SMARCAD1: variants seen among roughly 807,000 people sequenced by gnomAD.
SMARCAD1 encodes SWI/SNF-related matrix-associated actin-dependent regulator of chromatin subfamily A containing DEAD/H box 1.
Under a neutral mutation model 127.1 loss-of-function variants are expected in SMARCAD1, and 25 were observed. The observed-to-expected ratio is 0.20, with a 90% confidence interval of 0.14 to 0.27. The LOEUF (loss-of-function observed/expected upper bound fraction) is 0.27, where lower values mean the gene tolerates loss of function less well. Ranked by LOEUF, SMARCAD1 falls within the 10% of genes least tolerant of loss-of-function variation. SMARCAD1 has a pLI of 1.00. For missense variants in SMARCAD1, 807 were observed against 1,206.0 expected (o/e 0.67, Z 4.90); for synonymous variants, 400 against 396.9 (o/e 1.01, Z -0.09).
intron 7 of SMARCAD1, 85 bp downstream of exon 7, chr4:94,249,840 G>C (rs936331969): frequency 1.3e-6 from 1 of 798,504 alleles, no homozygotes; most frequent in Non-Finnish European, 2.2e-6. Flanking sequence ...CCACATAAAA[G>C]CTTAGGGTGA....
chr4:94,214,616 G>T (rs544281792), intron 2 of SMARCAD1, among the ~76,000 whole-genome samples: 1 of 152,194 alleles, frequency 6.6e-6, no homozygotes, highest in South Asian at 2.1e-4. Flanking sequence ...AAGGACTGAG[G>T]GAGGGAGGTA....
intron 3 of SMARCAD1, among the ~76,000 whole-genome samples, chr4:94,232,011 G>T (rs572671918): frequency 6.6e-6 from 1 of 151,816 alleles, no homozygotes; most frequent in South Asian, 2.1e-4. Flanking sequence ...ACAGGCACCC[G>T]CCACCATGCC....
In SMARCAD1 at chr4:94,208,542, A is replaced by T; in HGVS notation, c.148A>T (p.Ser50Cys). ...AEEENAEGEVSRANTPDSDIT... is the reference protein window; with the variant it reads ...AEEENAEGEVCRANTPDSDIT... ...AGAGGAGAATGCTGAAGGGGAAGTTAGCAGGGCAAACACTCCTGATTCAGA... is the reference window on the plus strand; with the variant it reads ...AGAGGAGAATGCTGAAGGGGAAGTTTGCAGGGCAAACACTCCTGATTCAGA... Residue 50 changes from serine to cysteine, a missense_variant, in exon 2 of 24, where the codon AGC (serine) becomes TGC (cysteine). Coordinates refer to ENST00000354268, the MANE Select transcript of SMARCAD1 (RefSeq NM_020159.5). 6.2e-7 allele frequency: 1 copy of T among 1,614,218 alleles called. No homozygotes were observed. The highest frequency in any genetic ancestry group is 1.1e-5 in the South Asian group (1 of 91,090).
chr4:94,277,836 A>T lies in SMARCAD1; in HGVS notation c.2083-586A>T, dbSNP rs77919033. On this transcript the variant is annotated intron_variant, in intron 16 of 23. Transcript: ENST00000354268. ...TACTAATTTGAATTCCCTCCCACTT[A>T]ATGTACAGTGTTTTAAATGGCCTAG... is the stretch of plus-strand genomic sequence containing the variant. 5.4e-3 allele frequency among the ~76,000 whole-genome samples: 819 copies of T among 152,242 alleles called. 4 individuals are homozygous for T. The Middle Eastern group carries it at 0.054, about 10-fold the overall frequency.
intron 5 of SMARCAD1, among the ~76,000 whole-genome samples, chr4:94,237,837 A>C (rs574079660): frequency 1.3e-5 from 2 of 152,266 alleles, no homozygotes; most frequent in South Asian, 4.1e-4. Flanking sequence ...ATGTCCTTAT[A>C]CATAAATAGA....
At chr4:94,245,018 A>G (rs951998780) in intron 6 of SMARCAD1, among the ~76,000 whole-genome samples, 1 of 152,218 alleles carries the variant, frequency 6.6e-6, no homozygotes, top group Non-Finnish European at 1.5e-5. Context: ...TTGCAATGTC[A>G]TTGTTGAAGC....
intron 9 of SMARCAD1, among the ~76,000 whole-genome samples, chr4:94,259,649 G>A (rs1033689490): frequency 2.0e-5 from 3 of 152,202 alleles, no homozygotes; most frequent in South Asian, 2.1e-4. Context: ...GAATGACCTT[G>A]TACTCCCCTT....
intron 2 of SMARCAD1, among the ~76,000 whole-genome samples, chr4:94,222,210 A>G (rs1367892680): frequency 6.6e-6 from 1 of 152,340 alleles, no homozygotes; most frequent in Non-Finnish European, 1.5e-5. Flanking sequence ...ACTCATATCA[A>G]TGGTTTGGCA....
chr4:94,223,573 C>CTT (rs1025018303), intron 2 of SMARCAD1, among the ~76,000 whole-genome samples: 4 of 142,870 alleles, frequency 2.8e-5, no homozygotes, highest in African/African-American at 1.0e-4. Context: ...TTTCCTTTTT[C>CTT]TTTTTTTTTT....
intron 11 of SMARCAD1, among the ~76,000 whole-genome samples, chr4:94,272,656 C>A (rs1004257562): frequency 1.7e-4 from 26 of 151,824 alleles, no homozygotes; most frequent in African/African-American, 6.0e-4. Flanking sequence ...TATCTGTGTT[C>A]TTATATGTAT....
intron 4 of SMARCAD1, 31 bp from the exon 5 acceptor site, chr4:94,236,921 T>C: frequency 1.3e-6 from 2 of 1,564,348 alleles, no homozygotes; most frequent in Non-Finnish European, 1.8e-6. Context: ...AAGTGCTGAT[T>C]TAAAACATTA....
intron 9 of SMARCAD1, chr4:94,253,703 A>C: frequency 1.0e-6 from 1 of 995,434 alleles, no homozygotes; most frequent in Non-Finnish European, 1.2e-6. Context: ...ATTTTCTGGA[A>C]TTTGACTTTC....
chr4:94,242,264 C>T (rs992912176), intron 6 of SMARCAD1, among the ~76,000 whole-genome samples: 11 of 151,640 alleles, frequency 7.3e-5, no homozygotes, highest in African/African-American at 1.9e-4. Context: ...AGGCTGGTCT[C>T]GAACTCCTGA....
chr4:94,250,090 C>G (rs1749056542), intron 7 of SMARCAD1, among the ~76,000 whole-genome samples: 1 of 151,712 alleles, frequency 6.6e-6, no homozygotes, highest in African/African-American at 2.4e-5. Context: ...TGTTCTCATT[C>G]TTGAAATTTC....
intron 16 of SMARCAD1, among the ~76,000 whole-genome samples, chr4:94,278,029 T>A (rs1319317618): frequency 6.6e-6 from 1 of 152,148 alleles, no homozygotes; most frequent in Non-Finnish European, 1.5e-5. Flanking sequence ...TAGCTTCCTT[T>A]TGGGGCCATT....
chr4:94,208,213 A>C (rs777188664), intron 1 of SMARCAD1, 133 bp from the exon 2 acceptor site: 1 of 734,716 alleles, frequency 1.4e-6, no homozygotes, highest in Admixed American at 1.9e-5. Flanking sequence ...CCTAACAATG[A>C]AGCGCAGCCA....
At chr4:94,210,929 CAAAAAAAAAA>C (rs747690168) in intron 2 of SMARCAD1, among the ~76,000 whole-genome samples, 53 of 57,050 alleles carry the variant, frequency 9.3e-4, no homozygotes, top group Admixed American at 2.8e-3. Flanking sequence ...GACTGTATCT[CAAAAAAAAAA>C]AAAAAAAAAA....
intron 2 of SMARCAD1, among the ~76,000 whole-genome samples, chr4:94,224,763 C>G (rs1041936716): frequency 1.3e-5 from 2 of 152,090 alleles, no homozygotes; most frequent in Non-Finnish European, 2.9e-5. Flanking sequence ...CTACTTTCTC[C>G]TATATGACTT....
chr4:94,268,957 G>T (rs544134608), intron 10 of SMARCAD1, among the ~76,000 whole-genome samples: 7 of 152,214 alleles, frequency 4.6e-5, no homozygotes, highest in African/African-American at 1.7e-4. Context: ...TATAGTAGTA[G>T]CATAGAAATT....
Sources: gnomAD v4.1 joint callset for allele counts (sites outside exome capture counted in the v4.1 genomes callset) on GRCh38, gnomAD v4.1.1 for gene constraint, MANE v1.5 for transcripts, NCBI Gene and HGNC (gene_info 2026-07-23, HGNC 2026-07-21) for gene names.